The following GIPC2 variants were observed in gnomAD, a reference collection of about 807,000 sequenced individuals.
GIPC2 encodes the protein GIPC PDZ domain containing family member 2.
A neutral mutation model predicts 30.6 loss-of-function variants in GIPC2; 30 were observed. The ratio of observed to expected loss-of-function variants is 0.98; its 90% CI spans 0.73 to 1.33. The LOEUF (loss-of-function observed/expected upper bound fraction) is 1.33, where lower values mean the gene tolerates loss of function less well. Among genes scored for constraint, GIPC2 ranks in the 40% most tolerant of loss-of-function variants. The pLI is 0.00. For missense variants in GIPC2, 414 were observed against 390.3 expected, an observed-to-expected ratio of 1.06 and a Z score of -0.51; for synonymous variants, 167 against 150.0, an observed-to-expected ratio of 1.11 and a Z score of -0.83.
At chr1:78,059,574 C>T (rs138616793) in intron 1 of GIPC2, among the ~76,000 whole-genome samples, 7 of 152,246 alleles carry the variant, frequency 4.6e-5, no homozygotes, top group African/African-American at 1.7e-4. Flanking sequence ...GAAATCCCCT[C>T]TCTACAAAAA....
intron 3 of GIPC2, 23 bp downstream of exon 3, chr1:78,095,155 G>GGT (rs1245224508): frequency 6.4e-7 from 1 of 1,564,966 alleles, no homozygotes; most frequent in Non-Finnish European, 8.8e-7. Flanking sequence ...TTGGTGGGCG[G>GGT]GTGTGTGAAA....
At chr1:78,118,916 C>T (rs866429657) in intron 3 of GIPC2, among the ~76,000 whole-genome samples, 2 of 152,192 alleles carry the variant, frequency 1.3e-5, no homozygotes, top group Admixed American at 6.5e-5. Flanking sequence ...AAGCATCACA[C>T]AGAGGGTAGA....
At position 78,135,763 on chromosome 1, in the gene GIPC2, A is replaced by G; in HGVS notation, c.*20A>G. The G allele has an allele frequency of 3.8e-6, 6 of 1,586,578 alleles. No homozygotes were observed. Among genetic ancestry groups the G allele is most frequent in the Non-Finnish European group, 4.3e-6 (5 of 1,170,324 alleles). On this transcript the variant is annotated 3_prime_UTR_variant, in exon 6 of 6. Coordinates refer to ENST00000370759, the MANE Select transcript of GIPC2 (RefSeq NM_017655.6). ...TTATGATGTGTACACTCCATCTCTGAAGAAACAACCCATCGTTCTTTTTTT... is the reference window on the plus strand; with the variant it reads ...TTATGATGTGTACACTCCATCTCTGGAGAAACAACCCATCGTTCTTTTTTT...
upstream of GIPC2, chr1:78,045,901 G>A (rs781321207): frequency 8.9e-5 from 119 of 1,338,806 alleles, no homozygotes; most frequent in Non-Finnish European, 1.0e-4. Flanking sequence ...TCCCGGGGGA[G>A]GCTGGGCGGG....
chr1:78,063,899 C>CAAA (rs763084989), intron 1 of GIPC2, among the ~76,000 whole-genome samples: 2 of 63,112 alleles, frequency 3.2e-5, no homozygotes, highest in Non-Finnish European at 7.2e-5. Flanking sequence ...CTCAAAAAGA[C>CAAA]AAAAAAAAAA....
At chr1:78,105,885 G>A (rs973616551) in intron 3 of GIPC2, among the ~76,000 whole-genome samples, 1 of 152,066 alleles carries the variant, frequency 6.6e-6, no homozygotes, top group Admixed American at 6.6e-5. Flanking sequence ...AAAAATCGTA[G>A]TCAGAGTATG....
At chr1:78,066,261 G>A (rs1024556340) in intron 1 of GIPC2, among the ~76,000 whole-genome samples, 15 of 152,096 alleles carry the variant, frequency 9.9e-5, no homozygotes, top group African/African-American at 3.6e-4. Flanking sequence ...AGACATACAT[G>A]TGACCAACAG....
At chr1:78,067,000 A>G (rs576783030) in intron 1 of GIPC2, among the ~76,000 whole-genome samples, 33 of 152,324 alleles carry the variant, frequency 2.2e-4, no homozygotes, top group African/African-American at 7.9e-4. Context: ...GTTTATCTGT[A>G]CAACCTGCAC....
chr1:78,134,531 A>G (rs993625414), intron 5 of GIPC2, among the ~76,000 whole-genome samples: 15 of 151,982 alleles, frequency 9.9e-5, no homozygotes, highest in African/African-American at 3.1e-4. Flanking sequence ...TTACCTTACT[A>G]GAGGTTTGAT....
At chr1:78,120,730 C>G (rs1662665663) in intron 4 of GIPC2, among the ~76,000 whole-genome samples, 1 of 152,168 alleles carries the variant, frequency 6.6e-6, no homozygotes, top group Non-Finnish European at 1.5e-5. Flanking sequence ...ATAAAACCGT[C>G]AGATCTTGTG....
In GIPC2 at chr1:78,119,491, GA is replaced by G. The variant is rs1400817056; in HGVS notation, c.708del (p.Glu237LysfsTer29). ...RLRSKGPATV[E>X]EMPSETKAKA... ...GAGATCAAAAGGTCCTGCCACCGTGGAAGAAATGGTATGTTATGTTCATTTA... is the reference window on the plus strand; with the variant it reads ...GAGATCAAAAGGTCCTGCCACCGTGGAGAAATGGTATGTTATGTTCATTTA... On this transcript the variant is annotated frameshift_variant, in exon 4 of 6. Coordinates refer to ENST00000370759, the MANE Select transcript of GIPC2 (RefSeq NM_017655.6). LOFTEE classifies it high-confidence loss of function. 1 of 1,593,076 alleles carries G rather than the reference GA, an allele frequency of 6.3e-7. No homozygotes were observed. Among genetic ancestry groups the G allele is most frequent in the African/African-American group, 1.3e-5 (1 of 74,522 alleles).
chr1:78,123,875 T>C (rs1388555293), intron 4 of GIPC2, among the ~76,000 whole-genome samples: 1 of 152,246 alleles, frequency 6.6e-6, no homozygotes, highest in African/African-American at 2.4e-5. Flanking sequence ...CAATTCAAGA[T>C]ACATTGTAAT....
chr1:78,112,967 G>A (rs1383905596), intron 3 of GIPC2, among the ~76,000 whole-genome samples: 2 of 152,126 alleles, frequency 1.3e-5, no homozygotes, highest in Non-Finnish European at 2.9e-5. Context: ...TTCACCACTA[G>A]CAGCATATGC....
In GIPC2 at chr1:78,136,248, T is replaced by G. The variant is rs1419673744; in HGVS notation, c.*505T>G. 2.2e-4 allele frequency: 33 copies of G among 152,170 alleles called. No individual in the cohort carries two copies. The highest frequency in any genetic ancestry group is 2.2e-3 in the Admixed American group (33 of 15,278). The allele number at this position is 152,170 out of a possible 1,614,324, so 9.4% of individuals were successfully genotyped here. A position where few individuals can be genotyped will look rare whatever the true frequency, so the allele number is the denominator to read the frequency against. On this transcript the variant is annotated 3_prime_UTR_variant, in exon 6 of 6. Coordinates refer to ENST00000370759, the MANE Select transcript of GIPC2 (RefSeq NM_017655.6). ...TCTAGAAGCATTGGTTTTTTTTTGA[T>G]CCTCTGAGTAAGGGAAGGAAGATTC...
intron 2 of GIPC2, among the ~76,000 whole-genome samples, chr1:78,087,873 G>T (rs555820983): frequency 6.6e-6 from 1 of 151,834 alleles, no homozygotes; most frequent in Non-Finnish European, 1.5e-5. Flanking sequence ...TCTGATAAAG[G>T]TCTAATATCC....
chr1:78,089,654 A>G (rs939351749), intron 2 of GIPC2, among the ~76,000 whole-genome samples: 5 of 152,138 alleles, frequency 3.3e-5, no homozygotes, highest in Non-Finnish European at 1.5e-5. Flanking sequence ...CCCAGATGAA[A>G]CTTTTTAGGT....
intron 4 of GIPC2, among the ~76,000 whole-genome samples, chr1:78,123,959 G>A (rs1662734283): frequency 1.3e-5 from 2 of 152,192 alleles, no homozygotes. Context: ...TGAGAAAGTT[G>A]TATTAATATC....
At chr1:78,130,377 C>T (rs904605062) in intron 5 of GIPC2, among the ~76,000 whole-genome samples, 2 of 152,164 alleles carry the variant, frequency 1.3e-5, no homozygotes, top group Non-Finnish European at 2.9e-5. Flanking sequence ...GCTAGGATTA[C>T]AGGCATGAGC....
intron 3 of GIPC2, among the ~76,000 whole-genome samples, chr1:78,112,950 C>T (rs1662498632): frequency 1.3e-5 from 2 of 152,212 alleles, no homozygotes; most frequent in Admixed American, 1.3e-4. Flanking sequence ...ACACGAAAAG[C>T]CCAGACTTCA....
Sources: allele counts gnomAD v4.1 joint callset (sites outside exome capture counted in the v4.1 genomes callset), GRCh38; gene constraint gnomAD v4.1.1; transcripts MANE v1.5; gene names NCBI Gene and HGNC (gene_info 2026-07-23, HGNC 2026-07-21).